Variants in TRMT9B observed in about 807,000 individuals in gnomAD.
TRMT9B encodes the protein probable tRNA methyltransferase 9B.
A neutral mutation model predicts 11.5 loss-of-function variants in TRMT9B; 16 were observed. The ratio of observed to expected loss-of-function variants is 1.39; its 90% CI spans 0.94 to 2.11. The LOEUF (loss-of-function observed/expected upper bound fraction) is 2.11. TRMT9B is among the 30% of genes most tolerant of loss of function. The pLI, the probability that TRMT9B is intolerant of heterozygous loss-of-function variation, is 0.00. For missense variants in TRMT9B, 941 were observed against 553.8 expected (o/e 1.70, Z -7.02); for synonymous variants, 274 against 192.4 (o/e 1.42, Z -3.51).
intron 1 of TRMT9B, among the ~76,000 whole-genome samples, chr8:12,978,061 A>G (rs558542018): frequency 1.8e-4 from 27 of 152,280 alleles, no homozygotes; most frequent in Non-Finnish European, 8.8e-5. Flanking sequence ...TGGAGTCTTA[A>G]TTAGGGAAAA....
chr8:12,978,883 C>G (rs1302159492), intron 1 of TRMT9B, among the ~76,000 whole-genome samples: 1 of 152,190 alleles, frequency 6.6e-6, no homozygotes, highest in African/African-American at 2.4e-5. Context: ...AATTACATTT[C>G]TCTCTCTTTG....
rs1404410255 is a variant in TRMT9B, at chr8:13,027,647, A to G, written c.*5603A>G. 1 of 167,088 alleles carries G rather than the reference A, an allele frequency of 6.0e-6. No homozygotes were observed. The highest frequency in any genetic ancestry group is 1.5e-5 in the Non-Finnish European group (1 of 68,120). The allele number at this position is 167,088 out of a possible 1,614,324, so 10.4% of individuals were successfully genotyped here. A position where few individuals can be genotyped will look rare whatever the true frequency, so the allele number is the denominator to read the frequency against. On this transcript the variant is annotated 3_prime_UTR_variant, in exon 5 of 5. Coordinates refer to ENST00000524591, the MANE Select transcript of TRMT9B (RefSeq NM_020844.3). ...AATTACATAATGACAAGTAATTCCC[A>G]CATTCCCTAGATATATACTTGGATT...
rs895147912 is a variant in TRMT9B at position 13,027,169 on chromosome 8, T to G, written c.*5125T>G. 6.0e-6 allele frequency: 1 copy of G among 167,104 alleles called. No homozygotes were observed. Among genetic ancestry groups the G allele is most frequent in the African/African-American group, 2.4e-5 (1 of 41,452 alleles). 10.4% of individuals were successfully genotyped at this position (167,104 alleles called of 1,614,324 possible). Reference sequence around the variant, plus strand: ...CCTGCTGTGTGCTGGATACACAGTCTGCTGTGTGCTGGATACATATGATAC... The same window carrying G: ...CCTGCTGTGTGCTGGATACACAGTCGGCTGTGTGCTGGATACATATGATAC... On this transcript the variant is annotated 3_prime_UTR_variant, in exon 5 of 5. Transcript: ENST00000524591.
At chr8:13,015,058 GAAATAAATAAAT>G (rs143449358) in intron 4 of TRMT9B, among the ~76,000 whole-genome samples, 73 of 145,550 alleles carry the variant, frequency 5.0e-4, no homozygotes, top group African/African-American at 1.3e-3. Context: ...GACTCCATCT[GAAATAAATAAAT>G]AAATAAATAA....
chr8:12,980,874 C>T (rs950788949), intron 1 of TRMT9B, among the ~76,000 whole-genome samples: 3 of 152,172 alleles, frequency 2.0e-5, no homozygotes, highest in South Asian at 2.1e-4. Context: ...AGCAGTGGCA[C>T]TAGATAAGGA....
chr8:12,957,365 T>C (rs1246483806), intron 1 of TRMT9B, among the ~76,000 whole-genome samples: 1 of 152,148 alleles, frequency 6.6e-6, no homozygotes, highest in Non-Finnish European at 1.5e-5. Context: ...AAATGAGGAC[T>C]GCTCTTGGTG....
At chr8:12,946,601 C>T (rs1800277443) in intron 1 of TRMT9B, among the ~76,000 whole-genome samples, 1 of 152,122 alleles carries the variant, frequency 6.6e-6, no homozygotes, top group South Asian at 2.1e-4. Context: ...AGCATGGGAT[C>T]TGCAGGTTTA....
At chr8:13,006,689 A>T in intron 3 of TRMT9B, 1 of 1,322,788 alleles carries the variant, frequency 7.6e-7, no homozygotes, top group Non-Finnish European at 9.7e-7. Flanking sequence ...TTCTTTTGAG[A>T]TGGAGTTTCA....
Position 12,996,309 on chromosome 8 carries a change from G to A in TRMT9B, c.-2+5278G>A, listed in dbSNP as rs150110313. Among the ~76,000 whole-genome samples, 30 of 152,278 alleles carry A rather than the reference G, an allele frequency of 2.0e-4. No homozygotes were observed. The East Asian group carries it at 5.8e-3, about 29-fold the overall frequency. ...TTCCTTCCTCTCATCATACTGATGAGTCACTTACCTGGTGCCCTAACTGAA... is the reference window on the plus strand; with the variant it reads ...TTCCTTCCTCTCATCATACTGATGAATCACTTACCTGGTGCCCTAACTGAA... On this transcript the variant is annotated intron_variant, in intron 2 of 4. Coordinates refer to ENST00000524591, the MANE Select transcript of TRMT9B (RefSeq NM_020844.3).
At chr8:12,996,822 A>T (rs1397952416) in intron 2 of TRMT9B, among the ~76,000 whole-genome samples, 2 of 152,118 alleles carry the variant, frequency 1.3e-5, no homozygotes, top group African/African-American at 4.8e-5. Flanking sequence ...ACAGAACATT[A>T]TCAGCACCCC....
At chr8:13,002,998 C>T (rs1448266627) in intron 2 of TRMT9B, among the ~76,000 whole-genome samples, 1 of 152,138 alleles carries the variant, frequency 6.6e-6, no homozygotes, top group Admixed American at 6.6e-5. Context: ...CCTCTGTACT[C>T]AGAGCCAGAT....
intron 1 of TRMT9B, among the ~76,000 whole-genome samples, chr8:12,979,806 C>G (rs1805059662): frequency 6.6e-6 from 1 of 152,134 alleles, no homozygotes; most frequent in Non-Finnish European, 1.5e-5. Flanking sequence ...GAATTGCAGG[C>G]AACAGAAAGG....
chr8:12,985,172 G>A (rs1030628485), intron 1 of TRMT9B, among the ~76,000 whole-genome samples: 5 of 152,132 alleles, frequency 3.3e-5, no homozygotes, highest in East Asian at 1.9e-4. Flanking sequence ...CGCCCCTCAC[G>A]TTGTTCACTT....
intron 2 of TRMT9B, among the ~76,000 whole-genome samples, chr8:13,002,961 C>G (rs921550369): frequency 6.6e-6 from 1 of 152,070 alleles, no homozygotes; most frequent in Non-Finnish European, 1.5e-5. Context: ...GGTGATCACT[C>G]CCTCTGCTAA....
chr8:12,982,831 G>A (rs1159238219), intron 1 of TRMT9B, among the ~76,000 whole-genome samples: 1 of 152,196 alleles, frequency 6.6e-6, no homozygotes, highest in Non-Finnish European at 1.5e-5. Context: ...ACTGGTTGCA[G>A]TCAAAATGCA....
intron 1 of TRMT9B, among the ~76,000 whole-genome samples, chr8:12,949,102 A>T: frequency 6.6e-6 from 1 of 152,198 alleles, no homozygotes; most frequent in East Asian, 1.9e-4. Context: ...ACTTATTAAT[A>T]ACAATCTTAT....
At chr8:12,998,499 A>G (rs1808772947) in intron 2 of TRMT9B, among the ~76,000 whole-genome samples, 2 of 152,262 alleles carry the variant, frequency 1.3e-5, no homozygotes, top group Non-Finnish European at 1.5e-5. Context: ...TAGAGGTAAT[A>G]GAAGTTCCCA....
At chr8:12,998,068 C>G (rs1030681479) in intron 2 of TRMT9B, among the ~76,000 whole-genome samples, 1 of 152,150 alleles carries the variant, frequency 6.6e-6, no homozygotes, top group Non-Finnish European at 1.5e-5. Context: ...GTTAAAGTCT[C>G]TCGCCCATTT....
In TRMT9B at chr8:13,012,848, T is replaced by C. The variant is rs1163923017; in HGVS notation, c.319T>C (p.Ser107Pro). 6.2e-7 allele frequency: 1 copy of C among 1,613,692 alleles called. No homozygotes were observed. The highest frequency in any genetic ancestry group is 1.3e-5 in the African/African-American group (1 of 74,928). ...FRDEGFDAII[S>P]IGVIHHFSTK... ...GGATGAGGGCTTCGATGCCATCATCTCCATAGGAGGTAAGGCAGCCAGATC... is the reference window on the plus strand; with the variant it reads ...GGATGAGGGCTTCGATGCCATCATCCCCATAGGAGGTAAGGCAGCCAGATC... Residue 107 changes from serine to proline, a missense_variant, in exon 4 of 5, where the codon TCC (serine) becomes CCC (proline). Physicochemically the swap from Ser to Pro is moderately conservative, Grantham distance 74 (BLOSUM62 -1). Transcript: ENST00000524591.
Sources: allele counts gnomAD v4.1 joint callset (sites outside exome capture counted in the v4.1 genomes callset), GRCh38; gene constraint gnomAD v4.1.1; transcripts MANE v1.5; gene names NCBI Gene and HGNC (gene_info 2026-07-23, HGNC 2026-07-21).